IMPA1: variants seen among roughly 807,000 people sequenced by gnomAD.
IMPA1 encodes D-galactose 1-phosphate phosphatase.
A neutral mutation model predicts 34.9 loss-of-function variants in IMPA1; 21 were observed. That is an observed-to-expected ratio of 0.60 (90% confidence interval 0.43 to 0.87). The LOEUF is 0.87. Among genes scored for constraint, IMPA1 ranks in the 40% least tolerant of loss-of-function variants. IMPA1 has a pLI of 0.00. For missense variants in IMPA1, 299 were observed against 336.4 expected, an observed-to-expected ratio of 0.89 and a Z score of 0.87; for synonymous variants, 95 against 104.4, an observed-to-expected ratio of 0.91 and a Z score of 0.55.
At chr8:81,676,373 T>G (rs1332555618) in intron 4 of IMPA1, 94 bp from the exon 5 acceptor site, 1 of 593,374 alleles carries the variant, frequency 1.7e-6, no homozygotes, top group Admixed American at 4.1e-5. Context: ...TTCTTAAAAT[T>G]TTTCCTATAA....
intron 7 of IMPA1, among the ~76,000 whole-genome samples, chr8:81,666,780 G>C (rs1806836766): frequency 6.9e-6 from 1 of 145,562 alleles, no homozygotes; most frequent in Non-Finnish European, 1.5e-5. Context: ...TGAGGCAGGA[G>C]AACTGCTTGA....
chr8:81,685,001 T>C (rs1416119995), intron 1 of IMPA1, among the ~76,000 whole-genome samples: 1 of 134,350 alleles, frequency 7.4e-6, no homozygotes, highest in Admixed American at 7.8e-5. Context: ...ATTTAGATAC[T>C]ATATATACTA....
chr8:81,666,872 A>C (rs1034640321), intron 7 of IMPA1, among the ~76,000 whole-genome samples: 1 of 93,394 alleles, frequency 1.1e-5, no homozygotes, highest in African/African-American at 5.1e-5. Flanking sequence ...TCTGTCTCAA[A>C]AAAAAAAAAA....
intron 4 of IMPA1, among the ~76,000 whole-genome samples, chr8:81,677,770 T>C (rs1236745175): frequency 6.6e-6 from 1 of 151,190 alleles, no homozygotes; most frequent in Non-Finnish European, 1.5e-5. Flanking sequence ...ATTTAAAAGA[T>C]ATAACATTCT....
At chr8:81,683,053 C>T (rs969431787) in intron 1 of IMPA1, among the ~76,000 whole-genome samples, 1 of 152,180 alleles carries the variant, frequency 6.6e-6, no homozygotes, top group Non-Finnish European at 1.5e-5. Flanking sequence ...TGGACTTAGG[C>T]ATCAGATCAG....
rs772816350 is a variant in IMPA1, at chr8:81,660,506, A to G, written c.718+10T>C. On this transcript the variant is annotated intron_variant, in intron 8 of 8. Transcript: ENST00000256108. ...TGTGTGGAGATCTGCTTCACTCTCCATAATTTTACCTGTAACATCCATTAG... is the reference window on the plus strand; with the variant it reads ...TGTGTGGAGATCTGCTTCACTCTCCGTAATTTTACCTGTAACATCCATTAG... The G allele has an allele frequency of 6.8e-6, 11 of 1,611,692 alleles. No homozygotes were observed. Among genetic ancestry groups the G allele is most frequent in the Non-Finnish European group, 9.3e-6 (11 of 1,178,468 alleles).
chr8:81,667,886 C>G (rs191960829), intron 7 of IMPA1, among the ~76,000 whole-genome samples: 7 of 151,184 alleles, frequency 4.6e-5, no homozygotes, highest in Non-Finnish European at 7.4e-5. Flanking sequence ...TGCAGTGACA[C>G]GATCTCGGCT....
At chr8:81,661,927 G>C (rs1806687229) in intron 7 of IMPA1, among the ~76,000 whole-genome samples, 1 of 152,154 alleles carries the variant, frequency 6.6e-6, no homozygotes, top group Admixed American at 6.5e-5. Context: ...TCTGTTCAAT[G>C]AGATCTTTCA....
chr8:81,677,212 C>T (rs1807157341), intron 4 of IMPA1, among the ~76,000 whole-genome samples: 3 of 152,048 alleles, frequency 2.0e-5, no homozygotes, highest in Admixed American at 2.0e-4. Context: ...TCTCCTGCCT[C>T]AGCCTCCCAA....
intron 7 of IMPA1, among the ~76,000 whole-genome samples, chr8:81,663,369 A>G (rs1806731587): frequency 6.6e-6 from 1 of 152,188 alleles, no homozygotes; most frequent in South Asian, 2.1e-4. Flanking sequence ...TAGACCACAT[A>G]TGCATAGTAC....
At chr8:81,672,828 C>A (rs1283218219) in intron 6 of IMPA1, among the ~76,000 whole-genome samples, 1 of 152,054 alleles carries the variant, frequency 6.6e-6, no homozygotes, top group Non-Finnish European at 1.5e-5. Context: ...GGCTTTTTTT[C>A]CACCCATTTA....
rs569992063 is a variant in IMPA1, at chr8:81,683,911, C to T, written c.-24-2327G>A. Among the ~76,000 whole-genome samples the T allele has an allele frequency of 2.0e-5, 3 of 152,230 alleles. No individual in the cohort carries two copies. The South Asian group carries it at 6.2e-4, about 32-fold the overall frequency. ...ACTGTCCATTCGGATTCATCTTGGC[C>T]TCTCTGTCCAGCATTCCTTTCTCCT... On this transcript the variant is annotated intron_variant, in intron 1 of 8. Coordinates refer to ENST00000256108, the MANE Select transcript of IMPA1 (RefSeq NM_005536.4).
chr8:81,682,321 A>G (rs1236459934), intron 1 of IMPA1, among the ~76,000 whole-genome samples: 1 of 152,178 alleles, frequency 6.6e-6, no homozygotes. Flanking sequence ...CTAGCACAGT[A>G]AAGCTTTTTA....
intron 6 of IMPA1, among the ~76,000 whole-genome samples, chr8:81,673,019 T>C (rs547029502): frequency 6.6e-6 from 1 of 152,348 alleles, no homozygotes; most frequent in East Asian, 1.9e-4. Context: ...CAGGCAAACC[T>C]GCCTCCCATT....
rs1283012079 is a variant in IMPA1 at position 81,670,979 on chromosome 8, G to C, written c.526C>G (p.Leu176Val). The C allele has an allele frequency of 6.5e-7, 1 of 1,536,918 alleles. No individual in the cohort carries two copies. Among genetic ancestry groups the C allele is most frequent in the Non-Finnish European group, 8.7e-7 (1 of 1,152,772 alleles). The stretch of plus-strand genomic sequence containing the variant: ...CAAAAAAGCTTTTCCATATTAGAAA[G>C]AACCATTCTCACAGTCTCTGGTGTT... ...SRTPETVRMV[L>V]SNMEKLFCIP... The change falls in exon 7 of 9, where the codon CTT becomes GTT. Residue 176 changes from leucine to valine, a missense_variant. By Grantham distance (32) the Leu-to-Val change is conservative. Transcript: ENST00000256108.
intron 1 of IMPA1, chr8:81,686,046 C>G (rs754000472): frequency 2.6e-6 from 3 of 1,174,204 alleles, no homozygotes; most frequent in East Asian, 3.1e-5. Context: ...GTGAGCGAAC[C>G]GCTACTCCAA....
chr8:81,675,381 A>G (rs1807102770), intron 5 of IMPA1, among the ~76,000 whole-genome samples: 1 of 151,004 alleles, frequency 6.6e-6, no homozygotes, highest in Non-Finnish European at 1.5e-5. Flanking sequence ...CTGTGTTCCC[A>G]TAGTATTTTT....
rs1806592991 is a variant in IMPA1, at chr8:81,659,118, T to C, written c.*233A>G. ...TGTTATATTTATCAACTGTACTTCCTGGGTATGTTTCCTAAAGTACATTCT... is the reference window on the plus strand; with the variant it reads ...TGTTATATTTATCAACTGTACTTCCCGGGTATGTTTCCTAAAGTACATTCT... On this transcript the variant is annotated 3_prime_UTR_variant, in exon 9 of 9. Coordinates refer to ENST00000256108, the MANE Select transcript of IMPA1 (RefSeq NM_005536.4). 2.0e-6 allele frequency: 1 copy of C among 511,572 alleles called. No individual in the cohort carries two copies. 31.7% of individuals were successfully genotyped at this position (511,572 alleles called of 1,614,324 possible). A position where few individuals can be genotyped will look rare whatever the true frequency, so the allele number is the denominator to read the frequency against.
rs750166110 is a variant in IMPA1, at chr8:81,676,281, T to G, written c.303-2A>C. 4.6e-6 allele frequency: 6 copies of G among 1,303,640 alleles called. No individual in the cohort carries two copies. The highest frequency in any genetic ancestry group is 5.2e-6 in the Non-Finnish European group (5 of 953,004). 80.8% of individuals were successfully genotyped at this position (1,303,640 alleles called of 1,614,324 possible). ...ATTGAAACAGCTACAAAAGGAAATC[T>G]TTTTTTAAAAAAAAGGACAAAATAC... On this transcript the variant is annotated splice_acceptor_variant, in intron 4 of 8. Transcript: ENST00000256108. LOFTEE classifies it high-confidence loss of function.
Sources: allele counts gnomAD v4.1 joint callset (sites outside exome capture counted in the v4.1 genomes callset), GRCh38; gene constraint gnomAD v4.1.1; transcripts MANE v1.5; gene names NCBI Gene and HGNC (gene_info 2026-07-23, HGNC 2026-07-21).